Variants in EEFSEC observed in about 807,000 individuals in gnomAD.
EEFSEC encodes the protein eukaryotic elongation factor, selenocysteine-tRNA specific.
In EEFSEC, 43 loss-of-function variants were observed where a neutral mutation model predicts 42.1. The ratio of observed to expected loss-of-function variants is 1.02; its 90% confidence interval spans 0.80 to 1.32. EEFSEC has a LOEUF of 1.32. EEFSEC is among the 40% of genes most tolerant of loss of function. The pLI is 0.00. For missense variants in EEFSEC, 745 were observed against 803.6 expected, an observed-to-expected ratio of 0.93 and a Z score of 0.88; for synonymous variants, 354 against 339.1, an observed-to-expected ratio of 1.04 and a Z score of -0.48.
chr3:128,186,777 TA>T (rs1190086407), intron 1 of EEFSEC, among the ~76,000 whole-genome samples: 1 of 152,264 alleles, frequency 6.6e-6, no homozygotes, highest in Non-Finnish European at 1.5e-5. Flanking sequence ...TTTATATGTC[TA>T]GCCTTATTCT....
At chr3:128,184,067 C>A (rs1327695310) in intron 1 of EEFSEC, among the ~76,000 whole-genome samples, 1 of 152,154 alleles carries the variant, frequency 6.6e-6, no homozygotes, top group Admixed American at 6.5e-5. Context: ...GGCATCGAAG[C>A]CAAACAATTC....
intron 1 of EEFSEC, among the ~76,000 whole-genome samples, chr3:128,175,823 G>A (rs543013380): frequency 3.3e-5 from 5 of 152,328 alleles, no homozygotes; most frequent in Non-Finnish European, 7.3e-5. Flanking sequence ...GCCTGGATTT[G>A]CACCCTGTCC....
chr3:128,234,002 G>A (rs1444397955), intron 1 of EEFSEC, among the ~76,000 whole-genome samples: 4 of 151,620 alleles, frequency 2.6e-5, no homozygotes, highest in Non-Finnish European at 5.9e-5. Context: ...TCCTTTCCCC[G>A]ATTCCCTGAC....
chr3:128,234,076 A>G (rs6809833), intron 1 of EEFSEC, among the ~76,000 whole-genome samples: 126,970 of 151,738 alleles, frequency 0.84, 53,628 homozygotes, highest in East Asian at 0.99. Flanking sequence ...ATTTTGAGAC[A>G]GAGTCTTGCT....
At chr3:128,160,754 T>C (rs2065177276) in intron 1 of EEFSEC, among the ~76,000 whole-genome samples, 1 of 152,128 alleles carries the variant, frequency 6.6e-6, no homozygotes, top group Admixed American at 6.5e-5. Flanking sequence ...AAGTTTAATA[T>C]ATCTTAAATT....
chr3:128,401,966 A>G (rs938698959), intron 6 of EEFSEC, among the ~76,000 whole-genome samples: 4 of 152,054 alleles, frequency 2.6e-5, no homozygotes, highest in African/African-American at 9.7e-5. Flanking sequence ...GGGCCTAGAG[A>G]TGTCAGCGAG....
chr3:128,212,575 A>C (rs953813513), intron 1 of EEFSEC, among the ~76,000 whole-genome samples: 14 of 152,214 alleles, frequency 9.2e-5, no homozygotes, highest in African/African-American at 3.4e-4. Context: ...TTTAAAACCG[A>C]ATGAGCAGTC....
chr3:128,415,733 C>T, the EEFSEC span, among the ~76,000 whole-genome samples: 1 of 152,206 alleles, frequency 6.6e-6, no homozygotes, highest in Non-Finnish European at 1.5e-5. Context: ...GGAAGAGAAG[C>T]AGGTTCTGGG....
chr3:128,332,312 A>G (rs2067142793), intron 4 of EEFSEC, among the ~76,000 whole-genome samples: 1 of 152,238 alleles, frequency 6.6e-6, no homozygotes, highest in Non-Finnish European at 1.5e-5. Context: ...AGTCTATACA[A>G]GTTGAATGTC....
At chr3:128,304,508 C>G (rs1253951829) in intron 4 of EEFSEC, among the ~76,000 whole-genome samples, 1 of 151,990 alleles carries the variant, frequency 6.6e-6, no homozygotes, top group Non-Finnish European at 1.5e-5. Flanking sequence ...AAACAGACTT[C>G]GGTATTGTTT....
At chr3:128,336,932 G>A (rs1014727726) in intron 4 of EEFSEC, 2 of 152,178 alleles carry the variant, frequency 1.3e-5, no homozygotes. Flanking sequence ...AGAGAAGGTT[G>A]CTACCCACGT....
At chr3:128,356,310 T>C (rs2067453620) in intron 5 of EEFSEC, among the ~76,000 whole-genome samples, 1 of 152,194 alleles carries the variant, frequency 6.6e-6, no homozygotes, top group Non-Finnish European at 1.5e-5. Flanking sequence ...TTTTGTTTCT[T>C]GGCCACTGCA....
intron 2 of EEFSEC, among the ~76,000 whole-genome samples, chr3:128,252,089 C>T (rs368903460): frequency 7.2e-5 from 11 of 152,190 alleles, no homozygotes; most frequent in East Asian, 5.8e-4. Flanking sequence ...ATCCTTGATA[C>T]ATCATTCCCC....
At chr3:128,392,318 C>T (rs1247121292) in intron 6 of EEFSEC, among the ~76,000 whole-genome samples, 3 of 152,216 alleles carry the variant, frequency 2.0e-5, no homozygotes, top group Non-Finnish European at 4.4e-5. Flanking sequence ...TGGGAACTGA[C>T]GCAAGTCATT....
At chr3:128,421,681 TG>T in the EEFSEC span, among the ~76,000 whole-genome samples, 1 of 148,784 alleles carries the variant, frequency 6.7e-6, no homozygotes, top group African/African-American at 2.4e-5. Context: ...ATGAGCGGGG[TG>T]GGGGGGCGCA....
At chr3:128,354,083 C>A (rs1202955285) in intron 5 of EEFSEC, among the ~76,000 whole-genome samples, 1 of 152,112 alleles carries the variant, frequency 6.6e-6, no homozygotes, top group Non-Finnish European at 1.5e-5. Flanking sequence ...AAAGATCCAC[C>A]CAGCTGCTGT....
At chr3:128,397,165 C>T (rs1291637464) in intron 6 of EEFSEC, among the ~76,000 whole-genome samples, 2 of 152,216 alleles carry the variant, frequency 1.3e-5, no homozygotes, top group Non-Finnish European at 2.9e-5. Flanking sequence ...CCCAGTTGAT[C>T]CCACACCCTT....
chr3:128,217,808 G>T (rs1461005452), intron 1 of EEFSEC, among the ~76,000 whole-genome samples: 2 of 152,198 alleles, frequency 1.3e-5, no homozygotes, highest in African/African-American at 4.8e-5. Flanking sequence ...TGGGGAGTAG[G>T]GAGGTGTGAG....
At chr3:128,219,825 C>A (rs1259602975) in intron 1 of EEFSEC, among the ~76,000 whole-genome samples, 1 of 151,306 alleles carries the variant, frequency 6.6e-6, no homozygotes, top group Non-Finnish European at 1.5e-5. Context: ...GAAAGAGTGC[C>A]CATCTAGTGT....
Sources: allele counts gnomAD v4.1 joint callset (sites outside exome capture counted in the v4.1 genomes callset), GRCh38; gene constraint gnomAD v4.1.1; transcripts MANE v1.5; gene names NCBI Gene and HGNC (gene_info 2026-07-23, HGNC 2026-07-21).